KIF27: variants seen among roughly 807,000 people sequenced by gnomAD.
The protein encoded by KIF27 is kinesin-like protein KIF27.
In KIF27, 84 loss-of-function variants were observed where a neutral mutation model predicts 141.8. The observed-to-expected ratio is 0.59, with a 90% confidence interval of 0.50 to 0.71. The LOEUF (loss-of-function observed/expected upper bound fraction) is 0.71. Among genes scored for constraint, KIF27 ranks in the 30% least tolerant of loss-of-function variants. The probability of loss-of-function intolerance (pLI) is 0.00; values close to 1 mark genes in which losing one functional copy is unlikely to be tolerated. For synonymous variants in KIF27, 471 were observed against 569.5 expected, an observed-to-expected ratio of 0.83 and a Z score of 2.46; for missense variants, 1,306 against 1,628.4, an observed-to-expected ratio of 0.80 and a Z score of 3.41.
chr9:83,845,566 T>C (rs35668383), intron 16 of KIF27, among the ~76,000 whole-genome samples: 5 of 152,308 alleles, frequency 3.3e-5, no homozygotes, highest in African/African-American at 9.6e-5. Context: ...GGTTCACAGA[T>C]GGTTCTGCAC....
chr9:83,838,338 A>C (rs1222787543), intron 17 of KIF27, among the ~76,000 whole-genome samples: 1 of 151,820 alleles, frequency 6.6e-6, no homozygotes, highest in African/African-American at 2.4e-5. Context: ...GGTTCACGCC[A>C]TTCTCCTGCC....
Position 83,891,170 on chromosome 9 carries a change from T to C in KIF27, c.1809+125A>G. 7.6e-6 allele frequency: 5 copies of C among 658,152 alleles called. No homozygotes were observed. The Admixed American group carries it at 1.4e-4, about 19-fold the overall frequency. The allele number at this position is 658,152 out of a possible 1,614,324, so 40.8% of individuals were successfully genotyped here. Reference sequence around the variant, plus strand: ...AAAGAAGTATGCTTAAAAGAAAAGGTATACACAAAATTCCATAAAATCAAA... The same window carrying C: ...AAAGAAGTATGCTTAAAAGAAAAGGCATACACAAAATTCCATAAAATCAAA... On this transcript the variant is annotated intron_variant, in intron 6 of 17. Coordinates refer to ENST00000297814, the MANE Select transcript of KIF27 (RefSeq NM_017576.4).
At chr9:83,841,255 G>C (rs1164337760) in intron 17 of KIF27, among the ~76,000 whole-genome samples, 2 of 152,192 alleles carry the variant, frequency 1.3e-5, no homozygotes, top group East Asian at 3.9e-4. Flanking sequence ...TTTTTTAATA[G>C]AGACGGGGTT....
intron 15 of KIF27, among the ~76,000 whole-genome samples, chr9:83,851,140 C>G (rs1234718855): frequency 6.6e-6 from 1 of 151,366 alleles, no homozygotes. Flanking sequence ...CCAGCCGACA[C>G]TTTCATTTTT....
chr9:83,850,071 T>C, intron 16 of KIF27, 28 bp downstream of exon 16: 1 of 1,590,730 alleles, frequency 6.3e-7, no homozygotes, highest in Non-Finnish European at 8.6e-7. Context: ...CACATCAACC[T>C]TACATAACTG....
intron 13 of KIF27, among the ~76,000 whole-genome samples, chr9:83,862,480 G>A (rs1950019902): frequency 6.6e-6 from 1 of 152,182 alleles, no homozygotes; most frequent in Admixed American, 6.5e-5. Flanking sequence ...AGATCAGAGA[G>A]TTGTAGATGT....
chr9:83,903,804 T>G lies in KIF27; in HGVS notation c.714A>C (p.Ser238=), dbSNP rs1954196361. 1.2e-6 allele frequency: 2 copies of G among 1,614,102 alleles called. No homozygotes were observed. Among genetic ancestry groups the G allele is most frequent in the Non-Finnish European group, 8.5e-7 (1 of 1,179,922 alleles). Residue 238 remains serine, a synonymous_variant, in exon 4 of 18, where the codon TCA becomes TCC. Transcript: ENST00000297814. ...CTGCCAAATCCACAAAGTGGAACTT[T>G]GAGACAATATGCCGAGGGGAATACC... ...GSWYSPRHIV[S]KFHFVDLAGS...
chr9:83,884,624 T>C lies in KIF27; in HGVS notation c.2240-606A>G, dbSNP rs541270975. 2.6e-5 allele frequency among the ~76,000 whole-genome samples: 4 copies of C among 152,298 alleles called. No individual in the cohort carries two copies. In the East Asian group the frequency reaches 7.7e-4, roughly 29 times the overall value. ...TTTGTTAAATTCCTCTTTTTACTTATACATACTGCAATCGGCATTCACACA... is the reference window on the plus strand; with the variant it reads ...TTTGTTAAATTCCTCTTTTTACTTACACATACTGCAATCGGCATTCACACA... On this transcript the variant is annotated intron_variant, in intron 9 of 17. Transcript: ENST00000297814.
intron 5 of KIF27, among the ~76,000 whole-genome samples, chr9:83,894,846 T>A (rs528592581): frequency 6.6e-6 from 1 of 152,272 alleles, no homozygotes; most frequent in East Asian, 1.9e-4. Context: ...GTTCTCATAG[T>A]ACATCATCCA....
chr9:83,905,911 G>T (rs1371249524), intron 3 of KIF27, among the ~76,000 whole-genome samples: 1 of 152,220 alleles, frequency 6.6e-6, no homozygotes, highest in Non-Finnish European at 1.5e-5. Context: ...CACTTTACTT[G>T]TAAGTGGGAC....
At chr9:83,872,384 C>G (rs1950870023) in intron 11 of KIF27, among the ~76,000 whole-genome samples, 1 of 152,174 alleles carries the variant, frequency 6.6e-6, no homozygotes, top group Non-Finnish European at 1.5e-5. Context: ...ATGATGTTGT[C>G]CATCACTAAA....
intron 4 of KIF27, among the ~76,000 whole-genome samples, chr9:83,902,571 C>T (rs1954034781): frequency 6.6e-6 from 1 of 151,888 alleles, no homozygotes; most frequent in African/African-American, 2.4e-5. Flanking sequence ...TTTTTAAAAC[C>T]TATACTCCAA....
chr9:83,866,271 T>A (rs1950344740), intron 13 of KIF27, among the ~76,000 whole-genome samples: 1 of 151,202 alleles, frequency 6.6e-6, no homozygotes, highest in Non-Finnish European at 1.5e-5. Flanking sequence ...AAGGAAAACA[T>A]CTAAAGCATT....
At chr9:83,894,574 C>G (rs1952991694) in intron 5 of KIF27, among the ~76,000 whole-genome samples, 1 of 152,198 alleles carries the variant, frequency 6.6e-6, no homozygotes, top group African/African-American at 2.4e-5. Context: ...CAAAGGGTGC[C>G]TTCATGACCC....
chr9:83,911,887 G>C (rs1955203356), intron 2 of KIF27, among the ~76,000 whole-genome samples: 2 of 152,158 alleles, frequency 1.3e-5, no homozygotes, highest in Admixed American at 1.3e-4. Flanking sequence ...AAGTAAATCA[G>C]GGATTATCAG....
At position 83,903,793 on chromosome 9, in the gene KIF27, A is replaced by C; in HGVS notation, c.725T>G (p.Phe242Cys). Residue 242 changes from phenylalanine to cysteine, a missense_variant, in exon 4 of 18, where the codon TTT (phenylalanine) becomes TGT (cysteine). Physicochemically the swap from Phe to Cys is radical, Grantham distance 205 (BLOSUM62 -2). Transcript: ENST00000297814. The part of the protein sequence containing the change: ...SPRHIVSKFH[F>C]VDLAGSERVT... Reference sequence around the variant, plus strand: ...TCTTTCTGATCCTGCCAAATCCACAAAGTGGAACTTTGAGACAATATGCCG... The same window carrying C: ...TCTTTCTGATCCTGCCAAATCCACACAGTGGAACTTTGAGACAATATGCCG... The C allele has an allele frequency of 6.2e-7, 1 of 1,614,226 alleles. No homozygotes were observed. The highest frequency in any genetic ancestry group is 1.1e-5 in the South Asian group (1 of 91,092).
chr9:83,884,006 T>A lies in KIF27; in HGVS notation c.2252A>T (p.Lys751Met). 1 of 1,605,264 alleles carries A rather than the reference T, an allele frequency of 6.2e-7. No homozygotes were observed. The highest frequency in any genetic ancestry group is 1.1e-5 in the South Asian group (1 of 89,814). ...CAAAGAATACTGCTTGCTTACAGAC[T>A]TGGCATCATTACCTTAACCGTAATA... The part of the protein sequence containing the change: ...KELIKTGNDA[K>M]SVSKQYSLKV... The change falls in exon 10 of 18, where the codon AAG becomes ATG. Residue 751 changes from lysine to methionine, a missense_variant. Coordinates refer to ENST00000297814, the MANE Select transcript of KIF27 (RefSeq NM_017576.4).
In KIF27 at chr9:83,921,392, C is replaced by T. The variant is rs1434819239; in HGVS notation, c.-109G>A. ...TGACCGGCTCGGGACAGCCCAGGCC[C>T]CTGTCGGCGAGCGCTGGACTCCTCA... On this transcript the variant is annotated 5_prime_UTR_variant, in exon 1 of 18. Coordinates refer to ENST00000297814, the MANE Select transcript of KIF27 (RefSeq NM_017576.4). 6.6e-6 allele frequency: 1 copy of T among 152,376 alleles called. No homozygotes were observed. The highest frequency in any genetic ancestry group is 2.4e-5 in the African/African-American group (1 of 41,576). 9.4% of individuals were successfully genotyped at this position (152,376 alleles called of 1,614,324 possible).
At chr9:83,901,667 G>A (rs1485788101) in intron 4 of KIF27, among the ~76,000 whole-genome samples, 4 of 152,174 alleles carry the variant, frequency 2.6e-5, no homozygotes, top group African/African-American at 9.7e-5. Flanking sequence ...GAGGTCAAGA[G>A]ATGGAGACCA....
Sources: gnomAD v4.1 joint callset for allele counts (sites outside exome capture counted in the v4.1 genomes callset) on GRCh38, gnomAD v4.1.1 for gene constraint, MANE v1.5 for transcripts, NCBI Gene and HGNC (gene_info 2026-07-23, HGNC 2026-07-21) for gene names.